DISP3: variants seen among roughly 807,000 people sequenced by gnomAD.
DISP3 encodes dispatched RND transporter family member 3.
A neutral mutation model predicts 135.3 loss-of-function variants in DISP3; 101 were observed. The observed-to-expected ratio is 0.75, with a 90% CI of 0.64 to 0.88. The LOEUF (loss-of-function observed/expected upper bound fraction) is 0.88, where lower values mean the gene tolerates loss of function less well. Among genes scored for constraint, DISP3 ranks in the 40% least tolerant of loss-of-function variants. The probability of loss-of-function intolerance (pLI) is 0.00; values close to 1 mark genes in which losing one functional copy is unlikely to be tolerated. For synonymous variants in DISP3, 856 were observed against 817.0 expected (o/e 1.05, Z -0.81); for missense variants, 1,713 against 1,878.6 (o/e 0.91, Z 1.63).
chr1:11,533,820 A>G lies in DISP3; in HGVS notation c.3376-561A>G, dbSNP rs1305022843. ...TGAGCAGATACCTTAAGAATCTTTT[A>G]GAGCAGGGTGAGTGCCTATTTCTCT... On this transcript the variant is annotated intron_variant, in intron 17 of 20. Coordinates refer to ENST00000294484, the MANE Select transcript of DISP3 (RefSeq NM_020780.2). 4.2e-6 allele frequency: 3 copies of G among 717,884 alleles called. No homozygotes were observed. The Admixed American group carries it at 6.0e-5, about 14-fold the overall frequency. 44.5% of individuals were successfully genotyped at this position (717,884 alleles called of 1,614,324 possible). A position where few individuals can be genotyped will look rare whatever the true frequency, so the allele number is the denominator to read the frequency against.
chr1:11,519,854 C>A lies in DISP3; in HGVS notation c.2174C>A (p.Ala725Asp). The change falls in exon 9 of 21, where the codon GCC (alanine) becomes GAC (aspartate). Residue 725 changes from alanine (A) to aspartate (D), a missense_variant. Around this residue, in one of 2 missense-constraint regions of DISP3, gnomAD observed 1,142 missense variants for 1,384.6 expected, o/e 0.82. Transcript: ENST00000294484. The surrounding 1 kb of genome is among the most constrained non-coding windows in gnomAD (Gnocchi z 4.3). The stretch of plus-strand genomic sequence containing the variant: ...CTGCACCACTGGGTCCTGTGGTCAG[C>A]CGTCAAGAGCCGCTGGGTGATTGTG... The part of the protein sequence containing the change: ...ELLHHWVLWS[A>D]VKSRWVIVGL... 1 of 1,610,770 alleles carries A rather than the reference C, an allele frequency of 6.2e-7. No homozygotes were observed.
chr1:11,511,583 A>G (rs1011145890), intron 3 of DISP3, among the ~76,000 whole-genome samples: 7 of 152,184 alleles, frequency 4.6e-5, no homozygotes, highest in Non-Finnish European at 8.8e-5. Context: ...GTGGCTTTAC[A>G]GGGTACAGCC....
At chr1:11,528,749 C>G (rs1557620648) in intron 13 of DISP3, among the ~76,000 whole-genome samples, 2 of 152,182 alleles carry the variant, frequency 1.3e-5, no homozygotes, top group Admixed American at 1.3e-4. Context: ...TCTGACAGAA[C>G]TTGGTGATGC....
intron 7 of DISP3, among the ~76,000 whole-genome samples, chr1:11,518,826 A>T (rs1371245696): frequency 6.6e-6 from 1 of 151,938 alleles, no homozygotes; most frequent in Non-Finnish European, 1.5e-5. Context: ...CTCCCAGCTC[A>T]CTGCTGGCAC....
chr1:11,508,688 T>C (rs1641772763), intron 3 of DISP3, among the ~76,000 whole-genome samples: 1 of 152,182 alleles, frequency 6.6e-6, no homozygotes, highest in Non-Finnish European at 1.5e-5. Context: ...ATTTATGGGG[T>C]ACATGAGATG....
rs201953977 is a variant in DISP3, at chr1:11,501,000, C to T, written c.8C>T (p.Thr3Met). 2.1e-4 allele frequency: 340 copies of T among 1,613,742 alleles called. 1 individual carries two copies. The highest frequency in any genetic ancestry group is 5.6e-5 in the Non-Finnish European group (66 of 1,179,970). Residue 3 changes from threonine (T) to methionine (M), a missense_variant, in exon 2 of 21, where the codon ACG becomes ATG. This residue lies in a region of DISP3 where 571 missense variants were observed against 494.1 expected (regional missense o/e 1.16). Coordinates refer to ENST00000294484, the MANE Select transcript of DISP3 (RefSeq NM_020780.2). MD[T>M]EDDPLLQDVW... ...CTCCCTCTCCTGCAGACTATGGACA[C>T]GGAGGATGACCCCTTGCTGCAGGAT... is the stretch of plus-strand genomic sequence containing the variant.
chr1:11,535,659 C>T lies in DISP3; in HGVS notation c.3816+15C>T, dbSNP rs886720499. 10 of 1,604,316 alleles carry T rather than the reference C, an allele frequency of 6.2e-6. No individual in the cohort carries two copies. In the African/African-American group the frequency reaches 9.4e-5, roughly 15 times the overall value. ...ACCAGGCCGAGGTGCGCACCCTGCC[C>T]GCCTTACCCACTTCCCACCACATTG... On this transcript the variant is annotated intron_variant, in intron 20 of 20. Coordinates refer to ENST00000294484, the MANE Select transcript of DISP3 (RefSeq NM_020780.2).
intron 1 of DISP3, among the ~76,000 whole-genome samples, chr1:11,480,022 G>C (rs1198542368): frequency 6.6e-6 from 1 of 152,208 alleles, no homozygotes; most frequent in Non-Finnish European, 1.5e-5. Context: ...GCCGGGCAGT[G>C]GCGGCGCTGA....
rs1163359830 is a variant in DISP3, at chr1:11,536,414, G to T, written c.3907G>T (p.Ala1303Ser). ...IVSSALTTVI[A>S]TVPLFFCIIA... Reference sequence around the variant, plus strand: ...CTCCAGTGCCCTCACCACGGTCATCGCCACAGTGCCCCTCTTCTTCTGCAT... The same window carrying T: ...CTCCAGTGCCCTCACCACGGTCATCTCCACAGTGCCCCTCTTCTTCTGCAT... The change falls in exon 21 of 21, where the codon GCC becomes TCC. Residue 1303 changes from alanine (A) to serine (S), a missense_variant. Ala to Ser is a moderately conservative substitution (Grantham distance 99, BLOSUM62 1). This residue lies in a region of DISP3 where 1,142 missense variants were observed against 1,384.6 expected (regional missense o/e 0.82). Transcript: ENST00000294484. The surrounding 1 kb of genome is among the most constrained non-coding windows in gnomAD (Gnocchi z 4.3). The T allele has an allele frequency of 2.5e-6, 4 of 1,612,804 alleles. No homozygotes were observed. The highest frequency in any genetic ancestry group is 3.3e-4 in the Middle Eastern group (2 of 6,062).
At chr1:11,515,527 C>T (rs760651577) in intron 5 of DISP3, 24 bp downstream of exon 5, 3 of 1,575,486 alleles carry the variant, frequency 1.9e-6, no homozygotes, top group Admixed American at 1.8e-5. Flanking sequence ...GTTGTCATGG[C>T]AGTGCGCCTC....
rs1642583815 is a variant in DISP3, at chr1:11,531,810, A to G, written c.3375+100A>G. On this transcript the variant is annotated intron_variant, in intron 17 of 20. Transcript: ENST00000294484. This position sits in a 1 kb window ranked among gnomAD's most constrained non-coding sequence, Gnocchi z 5.2. ...TTCCCAGATCGGGGGGGAGATGCTGAGGCCCAGAGAGGTGGAGTGACTTGC... is the reference window on the plus strand; with the variant it reads ...TTCCCAGATCGGGGGGGAGATGCTGGGGCCCAGAGAGGTGGAGTGACTTGC... The G allele has an allele frequency of 6.9e-7, 1 of 1,458,954 alleles. No individual in the cohort carries two copies. The highest frequency in any genetic ancestry group is 9.1e-7 in the Non-Finnish European group (1 of 1,104,024). 90.4% of individuals were successfully genotyped at this position (1,458,954 alleles called of 1,614,324 possible).
intron 5 of DISP3, 147 bp from the exon 6 acceptor site, chr1:11,515,854 G>C: frequency 1.1e-6 from 1 of 945,344 alleles, no homozygotes; most frequent in Non-Finnish European, 1.5e-6. Context: ...CCAATCAGAG[G>C]GGTCTCTCCA....
chr1:11,501,052 GGAA>G lies in DISP3; in HGVS notation c.65_67del (p.Glu22del). 3 of 1,614,162 alleles carry G rather than the reference GGAA, an allele frequency of 1.9e-6. No homozygotes were observed. Among genetic ancestry groups the G allele is most frequent in the Non-Finnish European group, 2.5e-6 (3 of 1,180,038 alleles). On this transcript the variant is annotated inframe_deletion, in exon 2 of 21. Coordinates refer to ENST00000294484, the MANE Select transcript of DISP3 (RefSeq NM_020780.2). This position sits in a 1 kb window ranked among gnomAD's most constrained non-coding sequence, Gnocchi z 4.9. ...TGTGGCTAGAGGAGGAGCAGGAGGA[GGAA>G]GAAGCAACGGGTGAAACCTTTTTAG...
chr1:11,533,281 A>C (rs1281146300), intron 17 of DISP3, among the ~76,000 whole-genome samples: 1 of 96,878 alleles, frequency 1.0e-5, no homozygotes, highest in Non-Finnish European at 2.0e-5. Context: ...TTTTTAATGG[A>C]GTTTCACTCT....
chr1:11,525,439 C>T (rs1467886327), intron 12 of DISP3, 127 bp downstream of exon 12: 2 of 1,198,608 alleles, frequency 1.7e-6, no homozygotes. Context: ...AGACCCCCCT[C>T]CCCTAAACCA....
rs148058598 is a variant in DISP3 at position 11,531,561 on chromosome 1, G to A, written c.3230-4G>A. On this transcript the variant is annotated splice_polypyrimidine_tract_variant and splice_region_variant and intron_variant, in intron 16 of 20. Coordinates refer to ENST00000294484, the MANE Select transcript of DISP3 (RefSeq NM_020780.2). This position sits in a 1 kb window ranked among gnomAD's most constrained non-coding sequence, Gnocchi z 5.2. ...CGCACTCCCTTTCTTGCCTCTCCCC[G>A]CAGGCTACAGCATCTCCTCCTTCCT... The A allele has an allele frequency of 2.7e-4, 441 of 1,613,286 alleles. 1 individual carries two copies. In the African/African-American group the frequency reaches 4.8e-3, roughly 18 times the overall value.
intron 3 of DISP3, among the ~76,000 whole-genome samples, chr1:11,507,062 C>T (rs1641723854): frequency 6.6e-6 from 1 of 152,214 alleles, no homozygotes; most frequent in African/African-American, 2.4e-5. Context: ...CCCACCTTGG[C>T]CTCTCAAAGT....
Position 11,531,505 on chromosome 1 carries a change from T to G in DISP3, c.3230-60T>G. The G allele has an allele frequency of 6.2e-7, 1 of 1,610,184 alleles. No homozygotes were observed. The highest frequency in any genetic ancestry group is 2.2e-5 in the East Asian group (1 of 44,850). Reference sequence around the variant, plus strand: ...TGTGAGTGCGTGGGCACAGGTGTGATGCAGGGGGACAGGCTCTTCCAGGGC... The same window carrying G: ...TGTGAGTGCGTGGGCACAGGTGTGAGGCAGGGGGACAGGCTCTTCCAGGGC... On this transcript the variant is annotated intron_variant, in intron 16 of 20. Coordinates refer to ENST00000294484, the MANE Select transcript of DISP3 (RefSeq NM_020780.2). The surrounding 1 kb of genome is among the most constrained non-coding windows in gnomAD (Gnocchi z 5.2).
At chr1:11,481,452 G>A (rs1640902449) in intron 1 of DISP3, 1 of 152,190 alleles carries the variant, frequency 6.6e-6, no homozygotes, top group African/African-American at 2.4e-5. Context: ...ATGAGATCTG[G>A]TAGCCATGAC....
Sources: gnomAD v4.1 joint callset for allele counts (sites outside exome capture counted in the v4.1 genomes callset) on GRCh38, gnomAD v4.1.1 for gene constraint, gnomAD v4.1.1 regional missense constraint, Gnocchi (gnomAD v3.1) non-coding constraint, MANE v1.5 for transcripts, NCBI Gene and HGNC (gene_info 2026-07-23, HGNC 2026-07-21) for gene names.